Variants in NR3C2 observed in about 807,000 individuals in gnomAD.
NR3C2 encodes nuclear receptor subfamily 3 group C member 2.
Under a neutral mutation model 86.4 loss-of-function variants are expected in NR3C2, and 15 were observed. The observed-to-expected ratio is 0.17, with a 90% CI of 0.12 to 0.27. The LOEUF (loss-of-function observed/expected upper bound fraction) is 0.27. NR3C2 is among the 10% of genes least tolerant of loss of function. The pLI is 1.00. For synonymous variants in NR3C2, 458 were observed against 450.5 expected (o/e 1.02, Z -0.21); for missense variants, 960 against 1,195.6 (o/e 0.80, Z 2.91).
intron 4 of NR3C2, among the ~76,000 whole-genome samples, chr4:148,167,587 C>T (rs1226605565): frequency 6.6e-6 from 1 of 152,194 alleles, no homozygotes; most frequent in Non-Finnish European, 1.5e-5. Context: ...TGTTCAGTTT[C>T]TGAAGTATTA....
At chr4:148,233,946 A>G (rs1483754379) in intron 3 of NR3C2, among the ~76,000 whole-genome samples, 1 of 152,214 alleles carries the variant, frequency 6.6e-6, no homozygotes, top group African/African-American at 2.4e-5. Context: ...GCACTACTAC[A>G]CTTGCTCAAT....
At chr4:148,202,125 T>C (rs1026231360) in intron 3 of NR3C2, among the ~76,000 whole-genome samples, 18 of 152,316 alleles carry the variant, frequency 1.2e-4, no homozygotes, top group African/African-American at 3.8e-4. Context: ...CTTTTACATA[T>C]GGGGGACTGA....
At chr4:148,116,846 A>G (rs954927842) in intron 7 of NR3C2, among the ~76,000 whole-genome samples, 6 of 152,236 alleles carry the variant, frequency 3.9e-5, no homozygotes, top group Admixed American at 2.0e-4. Context: ...AGGATAAGAC[A>G]TGAATTTAGA....
At chr4:148,085,814 A>T (rs1436967560) in intron 8 of NR3C2, among the ~76,000 whole-genome samples, 2 of 152,244 alleles carry the variant, frequency 1.3e-5, no homozygotes. Flanking sequence ...CACTGATCCC[A>T]CAGAAATACA....
intron 2 of NR3C2, among the ~76,000 whole-genome samples, chr4:148,287,946 A>G (rs1741609220): frequency 6.6e-6 from 1 of 152,166 alleles, no homozygotes; most frequent in African/African-American, 2.4e-5. Context: ...TATCAAACTT[A>G]CCCTCAAAAT....
chr4:148,105,656 G>A (rs1731762636), intron 8 of NR3C2, among the ~76,000 whole-genome samples: 1 of 152,130 alleles, frequency 6.6e-6, no homozygotes, highest in African/African-American at 2.4e-5. Flanking sequence ...GAATCCAGCA[G>A]TACATCAAAA....
chr4:148,181,367 A>G (rs1171238151), intron 4 of NR3C2, among the ~76,000 whole-genome samples: 1 of 152,190 alleles, frequency 6.6e-6, no homozygotes. Flanking sequence ...GTATCTAATG[A>G]TACTATCTTG....
At chr4:148,425,488 C>CA (rs969299172) in intron 2 of NR3C2, among the ~76,000 whole-genome samples, 1 of 152,100 alleles carries the variant, frequency 6.6e-6, no homozygotes, top group African/African-American at 2.4e-5. Flanking sequence ...GGCAGGAAAC[C>CA]AAAATCAGGA....
At chr4:148,109,767 G>A (rs901204048) in intron 8 of NR3C2, among the ~76,000 whole-genome samples, 1 of 152,136 alleles carries the variant, frequency 6.6e-6, no homozygotes, top group African/African-American at 2.4e-5. Flanking sequence ...TATACTGCTA[G>A]GCAGGAGGCA....
At chr4:148,361,882 G>C (rs1375336473) in intron 2 of NR3C2, among the ~76,000 whole-genome samples, 2 of 152,142 alleles carry the variant, frequency 1.3e-5, no homozygotes, top group African/African-American at 2.4e-5. Context: ...CTATCACCAA[G>C]GCTGGAGTGC....
intron 2 of NR3C2, among the ~76,000 whole-genome samples, chr4:148,323,869 G>T (rs1051287670): frequency 1.4e-5 from 1 of 69,182 alleles, no homozygotes; most frequent in Admixed American, 1.4e-4. Context: ...GCTGTGGACC[G>T]GAGCTGTTCC....
chr4:148,172,961 C>T (rs201821691), intron 4 of NR3C2, among the ~76,000 whole-genome samples: 13 of 152,076 alleles, frequency 8.5e-5, no homozygotes, highest in Non-Finnish European at 1.5e-4. Context: ...GAAAGCTTTC[C>T]CCACTGTGTA....
intron 2 of NR3C2, among the ~76,000 whole-genome samples, chr4:148,323,048 T>C (rs1377548000): frequency 6.8e-6 from 1 of 148,112 alleles, no homozygotes; most frequent in African/African-American, 2.5e-5. Flanking sequence ...GATGTACAGA[T>C]GGGTTTTTGG....
intron 2 of NR3C2, among the ~76,000 whole-genome samples, chr4:148,373,724 C>T (rs1037426568): frequency 9.9e-5 from 15 of 152,004 alleles, no homozygotes; most frequent in African/African-American, 3.6e-4. Context: ...AATCCACCTG[C>T]CTCGGCCTCC....
chr4:148,302,613 G>A (rs1742395917), intron 2 of NR3C2, among the ~76,000 whole-genome samples: 1 of 152,090 alleles, frequency 6.6e-6, no homozygotes, highest in South Asian at 2.1e-4. Flanking sequence ...TCCCTTTAAG[G>A]AATCAAGCTC....
intron 2 of NR3C2, among the ~76,000 whole-genome samples, chr4:148,349,786 G>C (rs1745179035): frequency 6.6e-6 from 1 of 151,890 alleles, no homozygotes; most frequent in Non-Finnish European, 1.5e-5. Flanking sequence ...TTCATTACTT[G>C]CTAAATTTCT....
chr4:148,415,744 G>C (rs1748961802), intron 2 of NR3C2, among the ~76,000 whole-genome samples: 1 of 152,178 alleles, frequency 6.6e-6, no homozygotes, highest in South Asian at 2.1e-4. Flanking sequence ...TGGAGGCAAA[G>C]ATGATCTTGT....
At chr4:148,091,727 A>T (rs1731071587) in intron 8 of NR3C2, among the ~76,000 whole-genome samples, 1 of 152,190 alleles carries the variant, frequency 6.6e-6, no homozygotes, top group Non-Finnish European at 1.5e-5. Flanking sequence ...GCCTGAGCCT[A>T]AAAAAGCCAG....
chr4:148,443,402 A>C (rs1437776219), upstream of NR3C2, among the ~76,000 whole-genome samples: 1 of 151,216 alleles, frequency 6.6e-6, no homozygotes, highest in Non-Finnish European at 1.5e-5. Context: ...GAGGATATTC[A>C]CGTTATAATG....
Sources: allele counts gnomAD v4.1 joint callset (sites outside exome capture counted in the v4.1 genomes callset), GRCh38; gene constraint gnomAD v4.1.1; transcripts MANE v1.5; gene names NCBI Gene and HGNC (gene_info 2026-07-23, HGNC 2026-07-21).